The following USP32 variants were observed in gnomAD, a reference collection of about 807,000 sequenced individuals.
USP32 encodes ubiquitin specific peptidase 32.
USP32 carries 59 observed loss-of-function variants against 204.8 expected under a neutral mutation model. The ratio of observed to expected loss-of-function variants is 0.29; its 90% CI spans 0.23 to 0.36. The LOEUF is 0.36. USP32 is among the 10% of genes least tolerant of loss of function. The probability of loss-of-function intolerance (pLI) is 1.00; values close to 1 mark genes in which losing one functional copy is unlikely to be tolerated. For synonymous variants in USP32, 517 were observed against 678.4 expected, an observed-to-expected ratio of 0.76 and a Z score of 3.70; for missense variants, 1,160 against 1,946.4, an observed-to-expected ratio of 0.60 and a Z score of 7.60.
chr17:60,191,801 G>A (rs138545882), intron 28 of USP32, among the ~76,000 whole-genome samples: 38 of 151,780 alleles, frequency 2.5e-4, no homozygotes, highest in Non-Finnish European at 4.4e-4. Flanking sequence ...GAGCCACCAC[G>A]CCTGGCCAAT....
chr17:60,207,962 C>T, intron 24 of USP32, 97 bp downstream of exon 24: 1 of 1,450,876 alleles, frequency 6.9e-7, no homozygotes, highest in Non-Finnish European at 9.1e-7. Context: ...TTTAGTATCT[C>T]TCTTGGTCAC....
chr17:60,327,691 G>A (rs1228722686), intron 2 of USP32, among the ~76,000 whole-genome samples: 3 of 152,236 alleles, frequency 2.0e-5, no homozygotes, highest in African/African-American at 7.2e-5. Flanking sequence ...TGCAGGACCT[G>A]GACATCTCTG....
intron 5 of USP32, among the ~76,000 whole-genome samples, chr17:60,271,813 T>C (rs1410718045): frequency 1.4e-5 from 2 of 142,706 alleles, no homozygotes; most frequent in East Asian, 2.0e-4. Context: ...TTTTTTCTTC[T>C]TTTTTTTTTT....
chr17:60,238,569 G>A (rs1022808653), intron 11 of USP32, among the ~76,000 whole-genome samples: 4 of 151,928 alleles, frequency 2.6e-5, no homozygotes, highest in Admixed American at 6.6e-5. Flanking sequence ...TTGGGAGACC[G>A]AGGCAGGCAG....
chr17:60,368,477 T>C (rs1308407538), intron 1 of USP32, among the ~76,000 whole-genome samples: 1 of 151,752 alleles, frequency 6.6e-6, no homozygotes, highest in Non-Finnish European at 1.5e-5. Context: ...AACAAAAGAC[T>C]CTGCTTCAAA....
chr17:60,371,699 T>C (rs1205997853), intron 1 of USP32, among the ~76,000 whole-genome samples: 1 of 152,138 alleles, frequency 6.6e-6, no homozygotes, highest in Non-Finnish European at 1.5e-5. Context: ...ACAATCAGGA[T>C]GGCTAAACTG....
chr17:60,292,957 T>C (rs186191276), intron 4 of USP32, among the ~76,000 whole-genome samples: 17 of 152,308 alleles, frequency 1.1e-4, no homozygotes, highest in African/African-American at 4.1e-4. Context: ...TTATTGTTCC[T>C]TGGACATACA....
chr17:60,336,490 C>T (rs988931201), intron 2 of USP32, among the ~76,000 whole-genome samples: 7 of 141,012 alleles, frequency 5.0e-5, no homozygotes, highest in Admixed American at 3.4e-4. Context: ...CCGAGGCGGG[C>T]GGATCACGAG....
intron 12 of USP32, among the ~76,000 whole-genome samples, chr17:60,230,002 C>G (rs796856808): frequency 2.6e-5 from 4 of 152,104 alleles, no homozygotes; most frequent in African/African-American, 9.7e-5. Context: ...CTGGTGGAGA[C>G]AGGGTTTCGC....
intron 3 of USP32, among the ~76,000 whole-genome samples, chr17:60,296,079 G>A (rs545427512): frequency 6.6e-6 from 1 of 152,220 alleles, no homozygotes; most frequent in South Asian, 2.1e-4. Context: ...ATGGGATCAT[G>A]AAGGGATACA....
At chr17:60,214,826 A>G (rs369006282) in intron 16 of USP32, 52 bp from the exon 17 acceptor site, 42 of 1,613,484 alleles carry the variant, frequency 2.6e-5, no homozygotes, top group East Asian at 1.1e-4. Context: ...AAAAAGAAGC[A>G]CCCCTCTCAG....
chr17:60,349,607 A>ATATATATATATAT (rs2088885099), intron 1 of USP32, among the ~76,000 whole-genome samples: 3 of 70,404 alleles, frequency 4.3e-5, no homozygotes, highest in African/African-American at 2.3e-4. Context: ...ATATATATAT[A>ATATATATATATAT]TATATATATA....
intron 3 of USP32, among the ~76,000 whole-genome samples, chr17:60,300,439 TCATTATAG>T (rs1168781222): frequency 1.3e-5 from 2 of 152,192 alleles, no homozygotes; most frequent in Non-Finnish European, 1.5e-5. Flanking sequence ...TGGTGTCCTC[TCATTATAG>T]CATTTCCCTG....
chr17:60,337,434 T>C (rs1329560687), intron 2 of USP32, among the ~76,000 whole-genome samples: 1 of 152,222 alleles, frequency 6.6e-6, no homozygotes, highest in African/African-American at 2.4e-5. Flanking sequence ...TTGGTTATTG[T>C]TTTGGTCATT....
At chr17:60,265,918 C>A (rs1235309489) in intron 8 of USP32, 58 bp downstream of exon 8, 3 of 1,281,264 alleles carry the variant, frequency 2.3e-6, no homozygotes, top group Non-Finnish European at 3.4e-6. Context: ...GAAAATGATT[C>A]CCTCCAATTT....
At chr17:60,372,653 AAC>A (rs1326836355) in intron 1 of USP32, among the ~76,000 whole-genome samples, 1 of 151,172 alleles carries the variant, frequency 6.6e-6, no homozygotes, top group African/African-American at 2.4e-5. Context: ...CAGTCTGGGT[AAC>A]ACAGTAAGAC....
chr17:60,414,616 A>G (rs955250134), intron 1 of USP32, among the ~76,000 whole-genome samples: 3 of 150,768 alleles, frequency 2.0e-5, no homozygotes, highest in Non-Finnish European at 3.0e-5. Flanking sequence ...TTTAGTAGAG[A>G]CGGGGTTTTG....
At chr17:60,210,989 T>G (rs2084950629) in intron 21 of USP32, 24 bp downstream of exon 21, 1 of 1,575,500 alleles carries the variant, frequency 6.3e-7, no homozygotes, top group African/African-American at 1.4e-5. Context: ...ATTAAATACT[T>G]TTATATTATT....
intron 4 of USP32, among the ~76,000 whole-genome samples, chr17:60,291,527 CTG>C (rs926146064): frequency 2.1e-5 from 3 of 140,722 alleles, no homozygotes; most frequent in East Asian, 2.0e-4. Context: ...GCTTCTCTCT[CTG>C]TGTGTGTATG....
Sources: gnomAD v4.1 joint callset for allele counts (sites outside exome capture counted in the v4.1 genomes callset) on GRCh38, gnomAD v4.1.1 for gene constraint, MANE v1.5 for transcripts, NCBI Gene and HGNC (gene_info 2026-07-23, HGNC 2026-07-21) for gene names.